Variants in DGKZ observed in about 807,000 individuals in gnomAD.
DGKZ encodes the protein diacylglycerol kinase zeta.
DGKZ carries 45 observed loss-of-function variants against 142.5 expected under a neutral mutation model. The ratio of observed to expected loss-of-function variants is 0.32; its 90% CI spans 0.25 to 0.40. The LOEUF (loss-of-function observed/expected upper bound fraction) is 0.40, where lower values mean the gene tolerates loss of function less well. Ranked by LOEUF, DGKZ falls within the 10% of genes least tolerant of loss-of-function variation. The probability of loss-of-function intolerance (pLI) is 1.00; values close to 1 mark genes in which losing one functional copy is unlikely to be tolerated. For synonymous variants in DGKZ, 442 were observed against 527.0 expected, an observed-to-expected ratio of 0.84 and a Z score of 2.21; for missense variants, 755 against 1,306.5, an observed-to-expected ratio of 0.58 and a Z score of 6.51.
intron 1 of DGKZ, among the ~76,000 whole-genome samples, chr11:46,354,944 C>T (rs1455470299): frequency 6.6e-6 from 1 of 152,178 alleles, no homozygotes; most frequent in Non-Finnish European, 1.5e-5. Flanking sequence ...GCTCTGTTGA[C>T]GGACACTTGG....
chr11:46,362,534 G>T (rs533334313), intron 1 of DGKZ, among the ~76,000 whole-genome samples: 1 of 152,232 alleles, frequency 6.6e-6, no homozygotes, highest in South Asian at 2.1e-4. Context: ...CCTGCTGTCT[G>T]CCAGGTATCA....
In DGKZ at chr11:46,378,731, G is replaced by T. The variant is rs118085099; in HGVS notation, c.2418+231G>T. The T allele has an allele frequency of 1.6e-4, 133 of 837,796 alleles. 1 individual carries two copies. In the East Asian group the frequency reaches 2.9e-3, roughly 18 times the overall value. 51.9% of individuals were successfully genotyped at this position (837,796 alleles called of 1,614,324 possible). The stretch of plus-strand genomic sequence containing the variant: ...CTAGCTCAGTCCACCTGTCCCTGGT[G>T]CTTAGAAAGGAGCAGGTCAGAGGAA... On this transcript the variant is annotated intron_variant, in intron 27 of 30. Coordinates refer to ENST00000527911, the Ensembl canonical transcript of DGKZ.
chr11:46,351,151 G>A (rs1941333363), intron 1 of DGKZ, among the ~76,000 whole-genome samples: 1 of 152,100 alleles, frequency 6.6e-6, no homozygotes, highest in African/African-American at 2.4e-5. Flanking sequence ...CACCGGGAAG[G>A]AGGACCCGCT....
chr11:46,362,535 C>T (rs928238459), intron 1 of DGKZ, among the ~76,000 whole-genome samples: 27 of 152,066 alleles, frequency 1.8e-4, no homozygotes, highest in African/African-American at 6.3e-4. Context: ...CTGCTGTCTG[C>T]CAGGTATCAC....
At chr11:46,337,432 A>G (rs1333290101) in intron 1 of DGKZ, among the ~76,000 whole-genome samples, 4 of 151,096 alleles carry the variant, frequency 2.6e-5, no homozygotes, top group African/African-American at 9.8e-5. Context: ...AGTAGCTGGG[A>G]CTACAGGCGC....
At chr11:46,340,143 G>T (rs1055387659) in intron 1 of DGKZ, among the ~76,000 whole-genome samples, 7 of 152,254 alleles carry the variant, frequency 4.6e-5, no homozygotes, top group African/African-American at 1.7e-4. Flanking sequence ...ACTGAGATCT[G>T]TTTCTCTCCA....
At chr11:46,361,263 G>C (rs1942614484) in intron 1 of DGKZ, among the ~76,000 whole-genome samples, 1 of 152,184 alleles carries the variant, frequency 6.6e-6, no homozygotes, top group Admixed American at 6.5e-5. Flanking sequence ...ATTAGTGGGG[G>C]GCCCCCTCCC....
At chr11:46,378,267 G>C in intron 26 of DGKZ, 38 bp downstream of exon 26, 4 of 1,589,834 alleles carry the variant, frequency 2.5e-6, no homozygotes, top group Non-Finnish European at 3.4e-6. Flanking sequence ...CTTTCTGCCT[G>C]GTTGGGGGCA....
At chr11:46,364,946 C>T in intron 1 of DGKZ, 1 of 985,462 alleles carries the variant, frequency 1.0e-6, no homozygotes, top group African/African-American at 1.7e-5. Flanking sequence ...GACCAGGGCC[C>T]AGGAGATCAC....
exon 31 of DGKZ, chr11:46,380,077 G>C: frequency 1.0e-6 from 1 of 966,864 alleles, no homozygotes; most frequent in Non-Finnish European, 1.5e-6. Context: ...GCCCCATGCC[G>C]CCCCCTAAGG....
At chr11:46,354,320 A>G (rs570816069) in intron 1 of DGKZ, among the ~76,000 whole-genome samples, 47 of 152,178 alleles carry the variant, frequency 3.1e-4, no homozygotes, top group African/African-American at 1.1e-3. Flanking sequence ...CCGAGTAGCT[A>G]GGACTATAGG....
At position 46,355,301 on chromosome 11, in the gene DGKZ, G is replaced by C. The variant is rs1307596767; in HGVS notation, c.161+7481G>C. ...TTTTTTGTATTTTTAGTAGAGACGG[G>C]GTTTCGCCATGTTAGCCAGGATGGT... On this transcript the variant is annotated intron_variant, in intron 1 of 30. Transcript: ENST00000527911. Among the ~76,000 whole-genome samples the C allele has an allele frequency of 2.6e-5, 4 of 151,824 alleles. 1 individual carries two copies. In the South Asian group the frequency reaches 8.3e-4, roughly 32 times the overall value.
At chr11:46,361,729 TCCTTGC>T in intron 1 of DGKZ, 1 of 944,052 alleles carries the variant, frequency 1.1e-6, no homozygotes, top group Non-Finnish European at 1.3e-6. Flanking sequence ...CCCCAGCCCC[TCCTTGC>T]TTTCTGCTTC....
intron 1 of DGKZ, among the ~76,000 whole-genome samples, chr11:46,353,003 G>A (rs116682620): frequency 2.1e-3 from 325 of 152,328 alleles, no homozygotes; most frequent in African/African-American, 7.6e-3. Context: ...TGGTTAGGTC[G>A]GGAAAGCAGG....
At chr11:46,376,219 AGCCAGCTC>A in intron 22 of DGKZ, 74 bp downstream of exon 22, 1 of 1,606,548 alleles carries the variant, frequency 6.2e-7, no homozygotes, top group Non-Finnish European at 8.5e-7. Context: ...TTCCTCCCGC[AGCCAGCTC>A]GCCCTGCGGA....
intron 1 of DGKZ, among the ~76,000 whole-genome samples, chr11:46,351,898 T>C (rs1941432755): frequency 6.6e-6 from 1 of 152,152 alleles, no homozygotes; most frequent in Non-Finnish European, 1.5e-5. Context: ...TCATTTTGTC[T>C]CCATGCCATA....
Position 46,371,401 on chromosome 11 carries a change from C to T in DGKZ, c.642+17C>T, listed in dbSNP as rs138238542. The T allele has an allele frequency of 8.7e-6, 14 of 1,612,928 alleles. No homozygotes were observed. Among genetic ancestry groups the T allele is most frequent in the Non-Finnish European group, 1.1e-5 (13 of 1,179,482 alleles). The stretch of plus-strand genomic sequence containing the variant: ...AAGCAGGCAGTGAGTGGTGCCCCCG[C>T]CCCCAGGGCCAGGCCCTGCACTGCT... On this transcript the variant is annotated intron_variant, in intron 7 of 30. Coordinates refer to ENST00000527911, the Ensembl canonical transcript of DGKZ.
Position 46,367,193 on chromosome 11 carries a change from G to A in DGKZ, c.162-98G>A. On this transcript the variant is annotated intron_variant, in intron 1 of 30. Transcript: ENST00000527911. This position sits in a 1 kb window ranked among gnomAD's most constrained non-coding sequence, Gnocchi z 4.1. ...GCTGGGAGGCTCCTCCGCCCTCCCT[G>A]TTGCCGAGGTCACGGAAAGGGCAGA... 2.3e-6 allele frequency: 3 copies of A among 1,322,682 alleles called. No individual in the cohort carries two copies. Among genetic ancestry groups the A allele is most frequent in the Non-Finnish European group, 3.2e-6 (3 of 940,780 alleles). 81.9% of individuals were successfully genotyped at this position (1,322,682 alleles called of 1,614,324 possible). A position where few individuals can be genotyped will look rare whatever the true frequency, so the allele number is the denominator to read the frequency against.
At position 46,369,426 on chromosome 11, in the gene DGKZ, G is replaced by C. The variant is rs767043543; in HGVS notation, c.445-68G>C. ...AGGATGACTCTGGGTTGTCCTGGAG[G>C]GAGTGACCACATACCTGACCCCGAA... On this transcript the variant is annotated intron_variant, in intron 4 of 30. Coordinates refer to ENST00000527911, the Ensembl canonical transcript of DGKZ. 6 of 1,585,384 alleles carry C rather than the reference G, an allele frequency of 3.8e-6. No individual in the cohort carries two copies. In the East Asian group the frequency reaches 1.3e-4, roughly 35 times the overall value.
Sources: gnomAD v4.1 joint callset for allele counts (sites outside exome capture counted in the v4.1 genomes callset) on GRCh38, gnomAD v4.1.1 for gene constraint, Gnocchi (gnomAD v3.1) non-coding constraint, MANE v1.5 for transcripts, NCBI Gene and HGNC (gene_info 2026-07-23, HGNC 2026-07-21) for gene names.